Variants in PLEKHA5 observed in about 807,000 individuals in gnomAD.
PLEKHA5 encodes pleckstrin homology domain containing A5, also known as pleckstrin homology domain-containing family A member 5.
PLEKHA5 carries 55 observed loss-of-function variants against 181.9 expected under a neutral mutation model. The ratio of observed to expected loss-of-function variants is 0.30; its 90% confidence interval spans 0.24 to 0.38. PLEKHA5 has a LOEUF of 0.38. Among genes scored for constraint, PLEKHA5 ranks in the 10% least tolerant of loss-of-function variants. The pLI is 1.00. For missense variants in PLEKHA5, 1,432 were observed against 1,549.5 expected (o/e 0.92, Z 1.27); for synonymous variants, 535 against 529.4 (o/e 1.01, Z -0.15).
intron 3 of PLEKHA5, among the ~76,000 whole-genome samples, chr12:19,173,485 C>T (rs565401647): frequency 2.6e-5 from 4 of 151,946 alleles, no homozygotes; most frequent in Admixed American, 1.3e-4. Context: ...GCTCCATTAT[C>T]GGAGCCAGAC....
intron 12 of PLEKHA5, among the ~76,000 whole-genome samples, chr12:19,284,483 G>C (rs2076827564): frequency 6.6e-6 from 1 of 152,138 alleles, no homozygotes; most frequent in African/African-American, 2.4e-5. Context: ...GAGGATAAAA[G>C]TGTTAACTTT....
chr12:19,352,016 C>T (rs1047493006), intron 25 of PLEKHA5, among the ~76,000 whole-genome samples: 2 of 142,934 alleles, frequency 1.4e-5, no homozygotes, highest in Non-Finnish European at 3.0e-5. Context: ...GCAGAGATTA[C>T]AGTGAGCCGA....
intron 3 of PLEKHA5, chr12:19,149,900 G>A (rs1023549798): frequency 2.0e-5 from 3 of 152,202 alleles, no homozygotes; most frequent in Admixed American, 6.5e-5. Context: ...GCAGTCACAA[G>A]GTCAGTTCAG....
chr12:19,360,635 G>T (rs2095193997), intron 28 of PLEKHA5, among the ~76,000 whole-genome samples: 1 of 151,436 alleles, frequency 6.6e-6, no homozygotes, highest in Non-Finnish European at 1.5e-5. Context: ...AAGAAAAAAA[G>T]AAAAATTAAA....
chr12:19,268,766 C>G (rs1260310091), intron 8 of PLEKHA5, among the ~76,000 whole-genome samples: 1 of 152,126 alleles, frequency 6.6e-6, no homozygotes, highest in East Asian at 1.9e-4. Flanking sequence ...TTACATTGAT[C>G]ACAAATATGG....
intron 19 of PLEKHA5, 37 bp downstream of exon 19, chr12:19,322,427 A>C (rs2091099484): frequency 1.9e-6 from 3 of 1,568,902 alleles, no homozygotes; most frequent in Non-Finnish European, 2.6e-6. Context: ...AATTGATGTT[A>C]CTTAATATGA....
intron 15 of PLEKHA5, among the ~76,000 whole-genome samples, chr12:19,302,484 C>T (rs1235804925): frequency 6.6e-6 from 1 of 152,150 alleles, no homozygotes; most frequent in Non-Finnish European, 1.5e-5. Context: ...CAACCTCTAC[C>T]TCCCAGGTTC....
intron 30 of PLEKHA5, among the ~76,000 whole-genome samples, chr12:19,367,258 C>CTTTTTTTTTTTTTTTTTTTTT (rs376634416): frequency 1.4e-5 from 1 of 72,004 alleles, no homozygotes; most frequent in African/African-American, 5.6e-5. Flanking sequence ...TTTGCTTCTT[C>CTTTTTTTTTTTTTTTTTTTTT]TTTTTTTTTT....
chr12:19,129,778 C>CGGCGGCGGCTAGGGATCAGACAT lies in PLEKHA5; in HGVS notation c.-13_10dup. On this transcript the variant is annotated 5_prime_UTR_variant, in exon 1 of 32. In the 5' UTR this introduces an upstream ATG that the reference lacks. Transcript: ENST00000429027. ...CCGCGGCGGCAGCAGGAGAAGGCGG[C>CGGCGGCGGCTAGGGATCAGACAT]GGCGGCGGCTAGGGATCAGACATGG... 1 of 1,568,478 alleles carries CGGCGGCGGCTAGGGATCAGACAT rather than the reference C, an allele frequency of 6.4e-7. No homozygotes were observed.
chr12:19,252,433 A>G (rs1425557519), intron 3 of PLEKHA5, among the ~76,000 whole-genome samples: 1 of 152,210 alleles, frequency 6.6e-6, no homozygotes, highest in African/African-American at 2.4e-5. Context: ...GAAAATTATT[A>G]TAGACTATTT....
chr12:19,154,704 T>G (rs2041268488), intron 3 of PLEKHA5: 1 of 152,228 alleles, frequency 6.6e-6, no homozygotes, highest in Non-Finnish European at 1.5e-5. Flanking sequence ...GAATGTTTGG[T>G]GTGTCTTTTA....
At chr12:19,339,768 C>G (rs752720430) in intron 21 of PLEKHA5, among the ~76,000 whole-genome samples, 4 of 152,130 alleles carry the variant, frequency 2.6e-5, no homozygotes, top group Admixed American at 6.6e-5. Flanking sequence ...AGTTACATAA[C>G]AACTCTGGGT....
intron 3 of PLEKHA5, among the ~76,000 whole-genome samples, chr12:19,212,822 G>GT (rs1161426017): frequency 4.0e-4 from 48 of 118,682 alleles, no homozygotes; most frequent in South Asian, 1.3e-3. Context: ...ATGAGAGTGG[G>GT]TTTTTTTTTG....
At chr12:19,212,406 C>T (rs905315667) in intron 3 of PLEKHA5, among the ~76,000 whole-genome samples, 4 of 152,150 alleles carry the variant, frequency 2.6e-5, no homozygotes, top group Non-Finnish European at 5.9e-5. Flanking sequence ...TAATTGGCTG[C>T]GTGTGGTGGC....
At chr12:19,312,390 C>G (rs1055308905) in intron 15 of PLEKHA5, among the ~76,000 whole-genome samples, 4 of 152,220 alleles carry the variant, frequency 2.6e-5, no homozygotes, top group African/African-American at 9.6e-5. Context: ...GATTCCCATA[C>G]AAGGCTATTT....
chr12:19,358,901 T>A (rs971046313), intron 27 of PLEKHA5, among the ~76,000 whole-genome samples: 2 of 152,206 alleles, frequency 1.3e-5, no homozygotes, highest in African/African-American at 4.8e-5. Context: ...ACCTCTCAAC[T>A]TCAGGCTTAT....
chr12:19,360,642 T>TA (rs564820149), intron 28 of PLEKHA5, among the ~76,000 whole-genome samples: 84 of 150,926 alleles, frequency 5.6e-4, no homozygotes, highest in Non-Finnish European at 8.0e-4. Context: ...AAAGAAAAAT[T>TA]AAAAAAAAAT....
intron 15 of PLEKHA5, among the ~76,000 whole-genome samples, chr12:19,294,926 CAATA>C (rs1434411428): frequency 6.6e-6 from 1 of 152,152 alleles, no homozygotes; most frequent in African/African-American, 2.4e-5. Context: ...TTAAAAATAA[CAATA>C]GATATACTAA....
At chr12:19,327,177 C>A (rs76750531) in intron 20 of PLEKHA5, among the ~76,000 whole-genome samples, 21,750 of 151,496 alleles carry the variant, frequency 0.14, 2,059 homozygotes, top group East Asian at 0.29. Flanking sequence ...AGTGGCTGAA[C>A]TAATTTATAT....
Sources: allele counts gnomAD v4.1 joint callset (sites outside exome capture counted in the v4.1 genomes callset), GRCh38; gene constraint gnomAD v4.1.1; transcripts MANE v1.5; gene names NCBI Gene and HGNC (gene_info 2026-07-23, HGNC 2026-07-21).